The following COL21A1 variants were observed in gnomAD, a reference collection of about 807,000 sequenced individuals.
The protein encoded by COL21A1 is collagen type XXI alpha 1 chain, also known as collagen alpha-1(XXI) chain.
A neutral mutation model predicts 137.9 loss-of-function variants in COL21A1; 149 were observed. The ratio of observed to expected loss-of-function variants is 1.08; its 90% CI spans 0.95 to 1.24. The LOEUF is 1.24. Among genes scored for constraint, COL21A1 ranks in the 50% most tolerant of loss-of-function variants. The pLI is 0.00. For missense variants in COL21A1, 1,167 were observed against 1,158.4 expected, an observed-to-expected ratio of 1.01 and a Z score of -0.11; for synonymous variants, 456 against 391.5, an observed-to-expected ratio of 1.16 and a Z score of -1.95.
intron 1 of COL21A1, among the ~76,000 whole-genome samples, chr6:56,224,692 T>A (rs1255538144): frequency 1.3e-5 from 2 of 152,078 alleles, no homozygotes; most frequent in African/African-American, 4.8e-5. Context: ...TATGGGCCGT[T>A]CTTTCTCTGA....
chr6:56,312,310 G>T (rs1764631519), intron 1 of COL21A1, among the ~76,000 whole-genome samples: 1 of 152,198 alleles, frequency 6.6e-6, no homozygotes, highest in Admixed American at 6.5e-5. Context: ...ACAGCAGCAG[G>T]GAAGGAGAGG....
intron 1 of COL21A1, among the ~76,000 whole-genome samples, chr6:56,315,917 G>T (rs1350969045): frequency 2.6e-5 from 4 of 152,180 alleles, no homozygotes; most frequent in African/African-American, 4.8e-5. Flanking sequence ...AAATTAGCTT[G>T]ACTGTAGTAA....
upstream of COL21A1, among the ~76,000 whole-genome samples, chr6:56,251,714 C>T (rs1410897679): frequency 1.3e-5 from 2 of 152,216 alleles, no homozygotes; most frequent in African/African-American, 2.4e-5. Context: ...TAACCCAGGA[C>T]ATAAATAGCT....
intron 1 of COL21A1, among the ~76,000 whole-genome samples, chr6:56,211,946 T>A (rs1780200568): frequency 6.6e-6 from 1 of 152,112 alleles, no homozygotes; most frequent in African/African-American, 2.4e-5. Flanking sequence ...TCTAACCAAG[T>A]TTGATGAGTT....
At chr6:56,238,992 A>AC (rs1399333295) in intron 1 of COL21A1, among the ~76,000 whole-genome samples, 1 of 152,326 alleles carries the variant, frequency 6.6e-6, no homozygotes, top group East Asian at 1.9e-4. Flanking sequence ...CACACTTGAC[A>AC]CATAGCAAAT....
intron 1 of COL21A1, among the ~76,000 whole-genome samples, chr6:56,192,695 G>A (rs954357523): frequency 1.3e-5 from 2 of 152,176 alleles, no homozygotes; most frequent in African/African-American, 4.8e-5. Context: ...AACAGATGCT[G>A]GAGAGGATGT....
In COL21A1 at chr6:56,247,484, C is replaced by G. The variant is rs766259805; in HGVS notation, c.-136G>C. The G allele has an allele frequency of 6.6e-6, 1 of 152,406 alleles. No individual in the cohort carries two copies. The highest frequency in any genetic ancestry group is 1.5e-5 in the Non-Finnish European group (1 of 68,198). The allele number at this position is 152,406 out of a possible 1,614,324, so 9.4% of individuals were successfully genotyped here. On this transcript the variant is annotated 5_prime_UTR_variant, in exon 1 of 30. Transcript: ENST00000244728. Reference sequence around the variant, plus strand: ...CAGGCAGTGGCAAGCCCAACCCGAGCAAGACCTGCGCTGAAACGGATTGGC... The same window carrying G: ...CAGGCAGTGGCAAGCCCAACCCGAGGAAGACCTGCGCTGAAACGGATTGGC...
chr6:56,205,235 G>C (rs1411959987), intron 1 of COL21A1, among the ~76,000 whole-genome samples: 1 of 152,032 alleles, frequency 6.6e-6, no homozygotes, highest in Non-Finnish European at 1.5e-5. Context: ...TAAGAACCTT[G>C]AAAAAAGGTT....
intron 16 of COL21A1, 79 bp downstream of exon 16, chr6:56,123,983 A>G: frequency 8.1e-7 from 1 of 1,238,130 alleles, no homozygotes; most frequent in Non-Finnish European, 1.1e-6. Flanking sequence ...AAATTTTAAT[A>G]TTGGTACATT....
intron 1 of COL21A1, among the ~76,000 whole-genome samples, chr6:56,226,195 G>A (rs986206280): frequency 1.3e-5 from 2 of 151,954 alleles, no homozygotes; most frequent in South Asian, 2.1e-4. Flanking sequence ...GGGCATAGCC[G>A]AATTACCTAC....
intron 21 of COL21A1, among the ~76,000 whole-genome samples, chr6:56,070,034 G>A (rs1254537715): frequency 6.6e-6 from 1 of 151,254 alleles, no homozygotes; most frequent in Non-Finnish European, 1.5e-5. Context: ...AAAGTTTTTT[G>A]TTTTAAAGTC....
intron 1 of COL21A1, among the ~76,000 whole-genome samples, chr6:56,215,638 C>G (rs1281155807): frequency 6.6e-6 from 1 of 152,058 alleles, no homozygotes; most frequent in Non-Finnish European, 1.5e-5. Flanking sequence ...AAGGATAAAT[C>G]TACCCCATCT....
chr6:56,213,693 T>C (rs974150748), intron 1 of COL21A1, among the ~76,000 whole-genome samples: 1 of 152,082 alleles, frequency 6.6e-6, no homozygotes, highest in African/African-American at 2.4e-5. Context: ...GTATATTGTA[T>C]ACATTTTTCG....
At chr6:56,136,352 T>C (rs1774004453) in intron 12 of COL21A1, among the ~76,000 whole-genome samples, 1 of 152,232 alleles carries the variant, frequency 6.6e-6, no homozygotes, top group Non-Finnish European at 1.5e-5. Flanking sequence ...AATAATAATT[T>C]GCTGAATATA....
At chr6:56,061,267 A>G in intron 25 of COL21A1, 1 of 529,464 alleles carries the variant, frequency 1.9e-6, no homozygotes, top group East Asian at 3.2e-5. Context: ...TCCACAACTG[A>G]TTGAGTATAT....
chr6:56,344,561 TA>T (rs570623644), intron 1 of COL21A1, among the ~76,000 whole-genome samples: 190 of 152,356 alleles, frequency 1.2e-3, no homozygotes, highest in Non-Finnish European at 2.4e-3. Context: ...TTGTTTATAA[TA>T]AGTTGGATGA....
chr6:56,237,862 G>A (rs1481538662), intron 1 of COL21A1, among the ~76,000 whole-genome samples: 2 of 152,132 alleles, frequency 1.3e-5, no homozygotes, highest in Admixed American at 6.5e-5. Context: ...ATTCTGAGAT[G>A]TATAGTCTAA....
chr6:56,310,963 C>T (rs1764601183), intron 1 of COL21A1, among the ~76,000 whole-genome samples: 1 of 151,858 alleles, frequency 6.6e-6, no homozygotes, highest in Admixed American at 6.6e-5. Flanking sequence ...GATTTTAGTC[C>T]CTGGCACAGA....
At chr6:56,208,014 G>GT (rs1222934726) in intron 1 of COL21A1, among the ~76,000 whole-genome samples, 1 of 152,046 alleles carries the variant, frequency 6.6e-6, no homozygotes, top group Non-Finnish European at 1.5e-5. Context: ...CATAAGCTAG[G>GT]TATCGATGGA....
Sources: allele counts gnomAD v4.1 joint callset (sites outside exome capture counted in the v4.1 genomes callset), GRCh38; gene constraint gnomAD v4.1.1; transcripts MANE v1.5; gene names NCBI Gene and HGNC (gene_info 2026-07-23, HGNC 2026-07-21).